Variants in PCDHGB3 observed in about 807,000 individuals in gnomAD.
PCDHGB3 encodes the protein protocadherin gamma-B3.
Under a neutral mutation model 59.2 loss-of-function variants are expected in PCDHGB3, and 40 were observed. That is an observed-to-expected ratio of 0.68 (90% CI 0.52 to 0.88). The LOEUF is 0.88. PCDHGB3 is among the 40% of genes least tolerant of loss of function. The probability of loss-of-function intolerance (pLI) is 0.00; values close to 1 mark genes in which losing one functional copy is unlikely to be tolerated. For missense variants in PCDHGB3, 1,309 were observed against 1,187.9 expected (o/e 1.10, Z -1.50); for synonymous variants, 581 against 503.6 (o/e 1.15, Z -2.06).
In PCDHGB3 at chr5:141,370,490, G is replaced by T. The variant is rs780342479; in HGVS notation, c.96G>T (p.Pro32=). Residue 32 remains proline, a synonymous_variant, in exon 1 of 4, where the codon CCG becomes CCT. Coordinates refer to ENST00000576222, the MANE Select transcript of PCDHGB3 (RefSeq NM_018924.5). ...TGTTAGACCAGGCTCTCTCCGAACC[G>T]ATCCGCTACGCTATTCCCGAGGAGC... The part of the protein sequence containing the change: ...LSLLDQALSE[P]IRYAIPEELD... 6 of 1,613,894 alleles carry T rather than the reference G, an allele frequency of 3.7e-6. No homozygotes were observed. The highest frequency in any genetic ancestry group is 5.1e-6 in the Non-Finnish European group (6 of 1,179,864).
chr5:141,421,161 T>C (rs2096550274), intron 1 of PCDHGB3: 7 of 1,259,920 alleles, frequency 5.6e-6, no homozygotes, highest in Non-Finnish European at 7.5e-6. Flanking sequence ...TAGGACTTCA[T>C]AGATACATAA....
intron 1 of PCDHGB3, chr5:141,383,889 G>A (rs1206410102): frequency 3.1e-6 from 5 of 1,613,938 alleles, no homozygotes; most frequent in Non-Finnish European, 4.2e-6. Context: ...GTCTGACAAA[G>A]GCAAAAGTAC....
chr5:141,478,509 G>C, intron 1 of PCDHGB3: 1 of 1,611,878 alleles, frequency 6.2e-7, no homozygotes, highest in Non-Finnish European at 8.5e-7. Context: ...GTGTTCTATA[G>C]GCAGGTGTTG....
Position 141,485,428 on chromosome 5 carries a change from C to T in PCDHGB3, c.2416-9379C>T, listed in dbSNP as rs2099613200. Reference sequence around the variant, plus strand: ...TGGATTTGGACAGCGGAGCCCTGCTCATCAAGAACCCAATCGACCGAGAGG... The same window carrying T: ...TGGATTTGGACAGCGGAGCCCTGCTTATCAAGAACCCAATCGACCGAGAGG... On this transcript the variant is annotated intron_variant, in intron 1 of 3. Transcript: ENST00000576222. The surrounding 1 kb of genome is among the most constrained non-coding windows in gnomAD (Gnocchi z 5.7). The T allele has an allele frequency of 2.5e-6, 4 of 1,614,160 alleles. No homozygotes were observed. The highest frequency in any genetic ancestry group is 3.4e-6 in the Non-Finnish European group (4 of 1,180,022).
chr5:141,398,017 A>AAACTGG (rs1270977201), intron 1 of PCDHGB3: 25 of 1,422,582 alleles, frequency 1.8e-5, no homozygotes, highest in Non-Finnish European at 2.2e-5. Context: ...ATCGTTTCCT[A>AAACTGG]AACTGGAACT....
chr5:141,412,940 T>C, intron 1 of PCDHGB3: 1 of 463,218 alleles, frequency 2.2e-6, no homozygotes, highest in Non-Finnish European at 3.8e-6. Flanking sequence ...CTTAGGACTC[T>C]GAGCGCCGCT....
Position 141,370,618 on chromosome 5 carries a change from T to G in PCDHGB3, c.224T>G (p.Phe75Cys). 6.2e-7 allele frequency: 1 copy of G among 1,613,964 alleles called. No homozygotes were observed. The highest frequency in any genetic ancestry group is 8.5e-7 in the Non-Finnish European group (1 of 1,179,882). The change falls in exon 1 of 4, where the codon TTT becomes TGT. Residue 75 changes from phenylalanine to cysteine, a missense_variant. Physicochemically the swap from Phe to Cys is radical, Grantham distance 205. Coordinates refer to ENST00000576222, the MANE Select transcript of PCDHGB3 (RefSeq NM_018924.5). ...CGGGTTATTGCAGAGAAGAAATTCT[T>G]TACCGTGAGCCCCGAAAATGGGAAC... The part of the protein sequence containing the change: ...NLRVIAEKKF[F>C]TVSPENGNLL...
At position 141,489,264 on chromosome 5, in the gene PCDHGB3, G is replaced by T. The variant is rs1314393358; in HGVS notation, c.2416-5543G>T. 10 of 1,553,088 alleles carry T rather than the reference G, an allele frequency of 6.4e-6. No individual in the cohort carries two copies. Among genetic ancestry groups the T allele is most frequent in the Non-Finnish European group, 7.0e-6 (8 of 1,149,620 alleles). ...TCATGGGGCCCAAGACACTCCCACA[G>T]CTCGCTGGGAAATGGCAAGTGCTGT... On this transcript the variant is annotated intron_variant, in intron 1 of 3. Transcript: ENST00000576222. The surrounding 1 kb of genome is among the most constrained non-coding windows in gnomAD (Gnocchi z 4.5).
chr5:141,492,859 C>T (rs966216924), intron 1 of PCDHGB3, among the ~76,000 whole-genome samples: 1 of 152,232 alleles, frequency 6.6e-6, no homozygotes, highest in Non-Finnish European at 1.5e-5. Flanking sequence ...CTCGAGCGCC[C>T]TGGCTCTCAA....
chr5:141,442,348 CTG>C (rs1318031659), intron 1 of PCDHGB3: 1 of 152,378 alleles, frequency 6.6e-6, no homozygotes, highest in Non-Finnish European at 1.5e-5. Context: ...TTCTGGGTAA[CTG>C]TAGCTCTATG....
rs778172652 is a variant in PCDHGB3, at chr5:141,418,978, C to G, written c.2415+46169C>G. 4 of 1,613,790 alleles carry G rather than the reference C, an allele frequency of 2.5e-6. No individual in the cohort carries two copies. In the South Asian group the frequency reaches 4.4e-5, roughly 18 times the overall value. ...TTGTTGCCCTCTTCAAAACACGGGACCAAGACTCAGGGGAAAATGGGGAAG... is the reference window on the plus strand; with the variant it reads ...TTGTTGCCCTCTTCAAAACACGGGAGCAAGACTCAGGGGAAAATGGGGAAG... On this transcript the variant is annotated intron_variant, in intron 1 of 3. Coordinates refer to ENST00000576222, the MANE Select transcript of PCDHGB3 (RefSeq NM_018924.5).
In PCDHGB3 at chr5:141,487,743, G is replaced by C. The variant is rs1424889718; in HGVS notation, c.2416-7064G>C. The C allele has an allele frequency of 1.9e-6, 3 of 1,559,988 alleles. No homozygotes were observed. Among genetic ancestry groups the C allele is most frequent in the Non-Finnish European group, 2.6e-6 (3 of 1,150,774 alleles). ...AGTGATGTCACCATTTTTGTAAGAG[G>C]TAACTATGTGGTAGACGCTGTGCTT... On this transcript the variant is annotated intron_variant, in intron 1 of 3. Transcript: ENST00000576222. The surrounding 1 kb of genome is among the most constrained non-coding windows in gnomAD (Gnocchi z 5.0).
intron 3 of PCDHGB3, among the ~76,000 whole-genome samples, chr5:141,505,793 GGACTTGGATC>G (rs2099848390): frequency 6.6e-6 from 1 of 152,142 alleles, no homozygotes; most frequent in Non-Finnish European, 1.5e-5. Flanking sequence ...ACTATCCTTG[GGACTTGGATC>G]GACTTGCTCA....
At position 141,372,788 on chromosome 5, in the gene PCDHGB3, TA is replaced by T; in HGVS notation, c.2396del (p.Asn799IlefsTer50). ...ESNDNPEMPS[N>X]SGNLQKQAPP... ...GTAATGACAATCCAGAAATGCCTTC[TA>T]ATTCAGGCAATTTGCAAAAGGTGAG... On this transcript the variant is annotated frameshift_variant, in exon 1 of 4. Transcript: ENST00000576222. LOFTEE classifies it high-confidence loss of function. 6.2e-7 allele frequency: 1 copy of T among 1,603,576 alleles called. No individual in the cohort carries two copies. The highest frequency in any genetic ancestry group is 1.7e-5 in the Admixed American group (1 of 58,352).
At chr5:141,418,572 A>AC (rs752316020) in intron 1 of PCDHGB3, 2 of 1,613,794 alleles carry the variant, frequency 1.2e-6, no homozygotes, top group African/African-American at 1.3e-5. Context: ...GCCAATGACA[A>AC]CCCCCCAGTG....
At chr5:141,403,525 C>T (rs1427557410) in intron 1 of PCDHGB3, 1 of 1,614,002 alleles carries the variant, frequency 6.2e-7, no homozygotes, top group South Asian at 1.1e-5. Flanking sequence ...GAGCCATAAA[C>T]CCAGAGCTGG....
At chr5:141,422,862 C>T in intron 1 of PCDHGB3, 1 of 1,614,270 alleles carries the variant, frequency 6.2e-7, no homozygotes, top group Non-Finnish European at 8.5e-7. Flanking sequence ...CCCTCAGCAG[C>T]AACGTGTCGC....
chr5:141,511,793 G>A lies in PCDHGB3; in HGVS notation c.*620G>A, dbSNP rs2099883948. The stretch of plus-strand genomic sequence containing the variant: ...TACTGATGCTTGCTGGATTTAGGGA[G>A]GGCATTTTGCTACCAAGCCTCTTCC... On this transcript the variant is annotated 3_prime_UTR_variant, in exon 4 of 4. Coordinates refer to ENST00000576222, the MANE Select transcript of PCDHGB3 (RefSeq NM_018924.5). 6.4e-6 allele frequency: 1 copy of A among 157,066 alleles called. No homozygotes were observed. The highest frequency in any genetic ancestry group is 2.4e-5 in the African/African-American group (1 of 41,492). 9.7% of individuals were successfully genotyped at this position (157,066 alleles called of 1,614,324 possible). A position where few individuals can be genotyped will look rare whatever the true frequency, so the allele number is the denominator to read the frequency against.
At position 141,471,056 on chromosome 5, in the gene PCDHGB3, T is replaced by C. The variant is rs1367189715; in HGVS notation, c.2416-23751T>C. On this transcript the variant is annotated intron_variant, in intron 1 of 3. Coordinates refer to ENST00000576222, the MANE Select transcript of PCDHGB3 (RefSeq NM_018924.5). ...ACAAGCCCAAGCCCTCTTTTTTTTT[T>C]TTTTTTTTTTGAGACAGGGTCTCCC... Among the ~76,000 whole-genome samples, 581 of 150,056 alleles carry C rather than the reference T, an allele frequency of 3.9e-3. 6 individuals are homozygous for C. Among genetic ancestry groups the C allele is most frequent in the Admixed American group, 0.011 (167 of 15,092 alleles).
Sources: gnomAD v4.1 joint callset for allele counts (sites outside exome capture counted in the v4.1 genomes callset) on GRCh38, gnomAD v4.1.1 for gene constraint, Gnocchi (gnomAD v3.1) non-coding constraint, MANE v1.5 for transcripts, NCBI Gene and HGNC (gene_info 2026-07-23, HGNC 2026-07-21) for gene names.